DNM3: variants seen among roughly 807,000 people sequenced by gnomAD.
The protein encoded by DNM3 is dynamin 3, also known as dynamin-3.
A neutral mutation model predicts 101.6 loss-of-function variants in DNM3; 47 were observed. The observed-to-expected ratio is 0.46, with a 90% CI of 0.37 to 0.59. The LOEUF (loss-of-function observed/expected upper bound fraction) is 0.59, where lower values mean the gene tolerates loss of function less well. DNM3 is among the 20% of genes least tolerant of loss of function. The pLI, the probability that DNM3 is intolerant of heterozygous loss-of-function variation, is 0.00. For synonymous variants in DNM3, 385 were observed against 387.9 expected (o/e 0.99, Z 0.09); for missense variants, 849 against 1,085.7 (o/e 0.78, Z 3.06).
At chr1:171,895,106 A>C (rs180824884) in intron 1 of DNM3, among the ~76,000 whole-genome samples, 1 of 152,304 alleles carries the variant, frequency 6.6e-6, no homozygotes, top group African/African-American at 2.4e-5. Context: ...ATACGTGTGC[A>C]TGTGTCTTTA....
chr1:172,333,662 T>C (rs1295545413), intron 17 of DNM3, among the ~76,000 whole-genome samples: 2 of 152,186 alleles, frequency 1.3e-5, no homozygotes, highest in Admixed American at 1.3e-4. Context: ...ATTATTGGAA[T>C]ATGCAGAATC....
intron 14 of DNM3, among the ~76,000 whole-genome samples, chr1:172,161,559 A>G (rs1048102947): frequency 2.6e-5 from 4 of 151,980 alleles, no homozygotes; most frequent in Non-Finnish European, 4.4e-5. Flanking sequence ...TAATACCTAC[A>G]TTTTAAGAGA....
At chr1:172,347,303 A>G (rs78935509) in intron 17 of DNM3, among the ~76,000 whole-genome samples, 8 of 152,292 alleles carry the variant, frequency 5.3e-5, no homozygotes, top group Non-Finnish European at 1.2e-4. Context: ...TACAAAGAAC[A>G]AAGGAAGGAA....
chr1:171,866,880 T>C (rs551054693), intron 1 of DNM3, among the ~76,000 whole-genome samples: 5 of 152,332 alleles, frequency 3.3e-5, no homozygotes, highest in African/African-American at 1.2e-4. Context: ...GTTGTGTACC[T>C]GGTGAATGTG....
At chr1:172,094,666 A>G (rs956863142) in intron 13 of DNM3, among the ~76,000 whole-genome samples, 6 of 152,204 alleles carry the variant, frequency 3.9e-5, no homozygotes, top group Non-Finnish European at 7.4e-5. Context: ...TGTGCCCTGT[A>G]AAGAATAGAA....
At chr1:171,938,880 A>G (rs2041629327) in intron 2 of DNM3, among the ~76,000 whole-genome samples, 1 of 152,120 alleles carries the variant, frequency 6.6e-6, no homozygotes, top group Non-Finnish European at 1.5e-5. Context: ...CCTACTTTAA[A>G]TCTTATTTGA....
intron 20 of DNM3, among the ~76,000 whole-genome samples, chr1:172,394,567 A>G (rs1181333512): frequency 6.6e-6 from 1 of 152,214 alleles, no homozygotes; most frequent in Non-Finnish European, 1.5e-5. Flanking sequence ...CTGCTTCCAC[A>G]TCCCATGACA....
At chr1:171,994,861 C>T (rs2045887829) in intron 4 of DNM3, among the ~76,000 whole-genome samples, 1 of 151,828 alleles carries the variant, frequency 6.6e-6, no homozygotes, top group South Asian at 2.1e-4. Flanking sequence ...AAAGAAAAGC[C>T]CTGTGAATGG....
At chr1:171,981,166 T>C (rs967043650) in intron 2 of DNM3, among the ~76,000 whole-genome samples, 21 of 152,316 alleles carry the variant, frequency 1.4e-4, no homozygotes, top group Middle Eastern at 3.4e-3. Flanking sequence ...AATATAGTCA[T>C]ACATAGATGC....
chr1:172,418,168 T>A lies in DNM3; in HGVS notation c.2541-113T>A, dbSNP rs756849921. The A allele has an allele frequency of 4.7e-4, 386 of 823,522 alleles. 3 individuals are homozygous for A. Among genetic ancestry groups the A allele is most frequent in the Non-Finnish European group, 6.0e-4 (354 of 593,532 alleles). The allele number at this position is 823,522 out of a possible 1,614,324, so 51.0% of individuals were successfully genotyped here. A position where few individuals can be genotyped will look rare whatever the true frequency, so the allele number is the denominator to read the frequency against. On this transcript the variant is annotated intron_variant, in intron 20 of 20. Transcript: ENST00000485254. ...TGATTTGAATTTGACTTTTGTGAGC[T>A]ATTTTTGCATGCTATTATTTGGGTT... is the stretch of plus-strand genomic sequence containing the variant.
intron 14 of DNM3, among the ~76,000 whole-genome samples, chr1:172,132,599 A>C (rs1414382845): frequency 6.6e-6 from 1 of 152,126 alleles, no homozygotes; most frequent in Non-Finnish European, 1.5e-5. Context: ...GTTCAGTTGT[A>C]ATAAGGTATT....
Position 171,987,802 on chromosome 1 carries a change from C to G in DNM3, c.382C>G (p.His128Asp). Residue 128 changes from histidine (H) to aspartate (D), a missense_variant, in exon 3 of 21, where the codon CAC becomes GAC. Coordinates refer to ENST00000627582, the MANE Select transcript of DNM3 (RefSeq NM_015569.5). ...IPINLRVYSP[H>D]VLNLTLIDLP... is the part of the protein sequence containing the mutation. ...CATTAATTTACGAGTCTATTCCCCA[C>G]ACGGTAAGTAAAATAATAAAATTCC... 2.6e-6 allele frequency: 4 copies of G among 1,546,826 alleles called. No individual in the cohort carries two copies. Among genetic ancestry groups the G allele is most frequent in the Non-Finnish European group, 2.6e-6 (3 of 1,153,150 alleles).
intron 13 of DNM3, among the ~76,000 whole-genome samples, chr1:172,104,928 G>A (rs549162577): frequency 5.9e-5 from 9 of 152,286 alleles, no homozygotes; most frequent in African/African-American, 1.9e-4. Flanking sequence ...GCCATATTAA[G>A]GCAAGTTCCT....
intron 1 of DNM3, among the ~76,000 whole-genome samples, chr1:171,896,556 G>T (rs184226116): frequency 1.3e-5 from 2 of 152,268 alleles, no homozygotes; most frequent in South Asian, 4.1e-4. Flanking sequence ...GGGCTGACAC[G>T]ATGGGGTTTT....
chr1:171,985,973 T>G (rs939213693), intron 2 of DNM3, among the ~76,000 whole-genome samples: 1 of 152,198 alleles, frequency 6.6e-6, no homozygotes. Context: ...AAAGTTGGAC[T>G]AGTGGAATAT....
intron 18 of DNM3, chr1:172,380,707 G>A (rs2068848067): frequency 6.6e-6 from 1 of 151,858 alleles, no homozygotes; most frequent in South Asian, 2.1e-4. Flanking sequence ...AAAATATAAA[G>A]TACTAAACAA....
At chr1:171,847,537 GA>G (rs11377124) in intron 1 of DNM3, among the ~76,000 whole-genome samples, 3 of 150,580 alleles carry the variant, frequency 2.0e-5, no homozygotes, top group East Asian at 1.9e-4. Flanking sequence ...GAGCAGCAAG[GA>G]AAAAAAAAGA....
intron 1 of DNM3, 51 bp from the exon 2 acceptor site, chr1:171,921,697 A>G: frequency 6.9e-7 from 1 of 1,456,330 alleles, no homozygotes; most frequent in South Asian, 1.2e-5. Flanking sequence ...ATGAATGTAC[A>G]GGTGATAAGA....
At chr1:172,190,578 G>A (rs1456588258) in intron 14 of DNM3, among the ~76,000 whole-genome samples, 1 of 152,152 alleles carries the variant, frequency 6.6e-6, no homozygotes, top group Non-Finnish European at 1.5e-5. Flanking sequence ...CTAGATCCTT[G>A]AGGAATTGCC....
Sources: gnomAD v4.1 joint callset for allele counts (sites outside exome capture counted in the v4.1 genomes callset) on GRCh38, gnomAD v4.1.1 for gene constraint, MANE v1.5 for transcripts, NCBI Gene and HGNC (gene_info 2026-07-23, HGNC 2026-07-21) for gene names.